Variants in TMEM132B observed in about 807,000 individuals in gnomAD.
TMEM132B encodes the protein transmembrane protein 132B.
In TMEM132B, 18 loss-of-function variants were observed where a neutral mutation model predicts 90.8. The ratio of observed to expected loss-of-function variants is 0.20; its 90% CI spans 0.14 to 0.29. The LOEUF (loss-of-function observed/expected upper bound fraction) is 0.29, where lower values mean the gene tolerates loss of function less well. Ranked by LOEUF, TMEM132B falls within the 10% of genes least tolerant of loss-of-function variation. The pLI, the probability that TMEM132B is intolerant of heterozygous loss-of-function variation, is 1.00. For synonymous variants in TMEM132B, 504 were observed against 523.3 expected (o/e 0.96, Z 0.50); for missense variants, 1,096 against 1,326.8 (o/e 0.83, Z 2.70).
At chr12:125,351,621 T>C (rs1877586981) in intron 2 of TMEM132B, among the ~76,000 whole-genome samples, 1 of 152,072 alleles carries the variant, frequency 6.6e-6, no homozygotes, top group Non-Finnish European at 1.5e-5. Context: ...AATACTGAGG[T>C]ACTAGGGAAG....
At chr12:125,417,853 A>G (rs1458075501) in intron 3 of TMEM132B, among the ~76,000 whole-genome samples, 1 of 152,182 alleles carries the variant, frequency 6.6e-6, no homozygotes, top group Non-Finnish European at 1.5e-5. Context: ...TCTGTTTGGC[A>G]TAACTTAGAT....
Position 125,576,067 on chromosome 12 carries a change from G to T in TMEM132B, c.1294-7784G>T, listed in dbSNP as rs144461653. On this transcript the variant is annotated intron_variant, in intron 4 of 8. Coordinates refer to ENST00000682704, the MANE Select transcript of TMEM132B (RefSeq NM_001366854.1). The stretch of plus-strand genomic sequence containing the variant: ...CATTGAATCTATATATTTATTTGGG[G>T]AGTGTTGACATCTTAACAATATTAA... Among the ~76,000 whole-genome samples the T allele has an allele frequency of 4.4e-3, 669 of 152,118 alleles. 7 individuals are homozygous for T. Among genetic ancestry groups the T allele is most frequent in the African/African-American group, 0.015 (635 of 41,522 alleles).
In TMEM132B at chr12:125,659,225, A is replaced by G. The variant is rs1248059726; in HGVS notation, c.*4515A>G. On this transcript the variant is annotated 3_prime_UTR_variant, in exon 9 of 9. Coordinates refer to ENST00000682704, the MANE Select transcript of TMEM132B (RefSeq NM_001366854.1). ...GTATTTTACCTTGAAAACATTTCTT[A>G]TTTGTTATCCTAGTAGGCTGGGGAA... 2.6e-5 allele frequency: 4 copies of G among 152,170 alleles called. No homozygotes were observed. In the East Asian group the frequency reaches 5.8e-4, roughly 22 times the overall value. The allele number at this position is 152,170 out of a possible 1,614,324, so 9.4% of individuals were successfully genotyped here.
At chr12:125,527,811 A>C (rs1883536727) in intron 4 of TMEM132B, among the ~76,000 whole-genome samples, 1 of 152,228 alleles carries the variant, frequency 6.6e-6, no homozygotes, top group African/African-American at 2.4e-5. Flanking sequence ...CAGCCACCCA[A>C]ACGGTGAATA....
At chr12:125,546,811 A>G (rs930051794) in intron 4 of TMEM132B, among the ~76,000 whole-genome samples, 4 of 152,184 alleles carry the variant, frequency 2.6e-5, no homozygotes, top group African/African-American at 9.7e-5. Context: ...ATTGATGGGT[A>G]CTGTATTAAT....
intron 3 of TMEM132B, among the ~76,000 whole-genome samples, chr12:125,465,298 G>A (rs975668163): frequency 6.6e-6 from 1 of 152,190 alleles, no homozygotes; most frequent in Non-Finnish European, 1.5e-5. Flanking sequence ...ATTATTTTCA[G>A]TAAGGTCCAA....
Position 125,349,574 on chromosome 12 carries a change from G to C in TMEM132B, c.190G>C (p.Asp64His), listed in dbSNP as rs61735211. 2 of 1,613,956 alleles carry C rather than the reference G, an allele frequency of 1.2e-6. No individual in the cohort carries two copies. Among genetic ancestry groups the C allele is most frequent in the Admixed American group, 3.3e-5 (2 of 60,000 alleles). ...CTTTTTCCTTAAAGAAGCCAACCAAGACCTCACAAGGAACTCCAGTCTGCA... is the reference window on the plus strand; with the variant it reads ...CTTTTTCCTTAAAGAAGCCAACCAACACCTCACAAGGAACTCCAGTCTGCA... ...ESFFLKEANQ[D>H]LTRNSSLQAR... is the part of the protein sequence containing the mutation. The change falls in exon 2 of 9, where the codon GAC (aspartate) becomes CAC (histidine). Residue 64 changes from aspartate to histidine, a missense_variant. Coordinates refer to ENST00000682704, the MANE Select transcript of TMEM132B (RefSeq NM_001366854.1). This position sits in a 1 kb window ranked among gnomAD's most constrained non-coding sequence, Gnocchi z 4.1.
intron 5 of TMEM132B, among the ~76,000 whole-genome samples, chr12:125,593,861 G>A (rs1250633085): frequency 6.6e-6 from 1 of 152,200 alleles, no homozygotes; most frequent in African/African-American, 2.4e-5. Context: ...GGCAATGTGT[G>A]AGGCTACTGC....
chr12:125,354,550 C>A (rs1341312572), intron 2 of TMEM132B, among the ~76,000 whole-genome samples: 1 of 152,148 alleles, frequency 6.6e-6, no homozygotes, highest in African/African-American at 2.4e-5. Context: ...AATTTTGAAA[C>A]CCTGATTCAG....
chr12:125,543,710 C>T (rs35611515), intron 4 of TMEM132B, among the ~76,000 whole-genome samples: 3,840 of 152,204 alleles, frequency 0.025, 70 homozygotes, highest in Middle Eastern at 0.051. Context: ...CAGATGCTGG[C>T]GAGGTTGCGG....
chr12:125,447,379 A>G (rs953427814), intron 3 of TMEM132B, among the ~76,000 whole-genome samples: 3 of 152,144 alleles, frequency 2.0e-5, no homozygotes, highest in Non-Finnish European at 4.4e-5. Flanking sequence ...CTTAGTAGCT[A>G]CCCTAGAGAA....
At chr12:125,291,387 TCA>T (rs1875535085) in intron 1 of TMEM132B, among the ~76,000 whole-genome samples, 2 of 152,200 alleles carry the variant, frequency 1.3e-5, no homozygotes, top group African/African-American at 4.8e-5. Flanking sequence ...CATGATCTAA[TCA>T]CTGGAGCTCT....
intron 1 of TMEM132B, among the ~76,000 whole-genome samples, chr12:125,283,526 G>A: frequency 6.6e-6 from 1 of 152,160 alleles, no homozygotes; most frequent in Non-Finnish European, 1.5e-5. Flanking sequence ...GGAAGATGCT[G>A]AGAACAAGTA....
rs147118159 is a variant in TMEM132B at position 125,490,078 on chromosome 12, G to A, written c.1107-29361G>A. Reference sequence around the variant, plus strand: ...TATGATGTTTTAGTTATGTTGGGGGGAGTTACTCCAGAGATTAACTCTGTA... The same window carrying A: ...TATGATGTTTTAGTTATGTTGGGGGAAGTTACTCCAGAGATTAACTCTGTA... On this transcript the variant is annotated intron_variant, in intron 3 of 8. Transcript: ENST00000682704. This position sits in a 1 kb window ranked among gnomAD's most constrained non-coding sequence, Gnocchi z 4.2. Among the ~76,000 whole-genome samples, 25 of 152,260 alleles carry A rather than the reference G, an allele frequency of 1.6e-4. No individual in the cohort carries two copies. The highest frequency in any genetic ancestry group is 5.8e-4 in the African/African-American group (24 of 41,542).
intron 3 of TMEM132B, among the ~76,000 whole-genome samples, chr12:125,435,698 A>G (rs553247138): frequency 6.6e-6 from 1 of 152,370 alleles, no homozygotes; most frequent in Non-Finnish European, 1.5e-5. Context: ...AGAAAAATAA[A>G]GCAGGAGATA....
intron 1 of TMEM132B, among the ~76,000 whole-genome samples, chr12:125,250,260 G>A (rs994017833): frequency 2.0e-5 from 3 of 152,210 alleles, no homozygotes; most frequent in Non-Finnish European, 4.4e-5. Context: ...AGCTCCTCGT[G>A]GTATTTCAGA....
chr12:125,358,099 A>G (rs2136245269), intron 2 of TMEM132B, among the ~76,000 whole-genome samples: 2 of 151,780 alleles, frequency 1.3e-5, no homozygotes, highest in South Asian at 4.2e-4. Flanking sequence ...TTTTTTTTTG[A>G]AATCAAGCAC....
chr12:125,347,111 G>C lies in TMEM132B; in HGVS notation c.68-2341G>C, dbSNP rs544247582. 2.7e-3 allele frequency among the ~76,000 whole-genome samples: 404 copies of C among 152,274 alleles called. 1 individual carries two copies. The highest frequency in any genetic ancestry group is 9.3e-3 in the African/African-American group (385 of 41,564). On this transcript the variant is annotated intron_variant, in intron 1 of 8. Transcript: ENST00000682704. ...GAATTCCTGGGATGGGCATTTTTAA[G>C]TATCTTAATGCCCAATTTCTGAATT...
rs1157576791 is a variant in TMEM132B, at chr12:125,655,800, T to C, written c.*1090T>C. On this transcript the variant is annotated 3_prime_UTR_variant, in exon 9 of 9. Transcript: ENST00000682704. Reference sequence around the variant, plus strand: ...TTTTACCAGAACAAAAGTTTTTTTTTTTTTAAATAAGTAGAATGACAGTTC... The same window carrying C: ...TTTTACCAGAACAAAAGTTTTTTTTCTTTTAAATAAGTAGAATGACAGTTC... 6.6e-6 allele frequency: 1 copy of C among 152,180 alleles called. No individual in the cohort carries two copies. Among genetic ancestry groups the C allele is most frequent in the Non-Finnish European group, 1.5e-5 (1 of 68,030 alleles). 9.4% of individuals were successfully genotyped at this position (152,180 alleles called of 1,614,324 possible).
Sources: allele counts gnomAD v4.1 joint callset (sites outside exome capture counted in the v4.1 genomes callset), GRCh38; gene constraint gnomAD v4.1.1; non-coding constraint Gnocchi (gnomAD v3.1); transcripts MANE v1.5; gene names NCBI Gene and HGNC (gene_info 2026-07-23, HGNC 2026-07-21).